The following MEIS1 variants were observed in gnomAD, a reference collection of about 807,000 sequenced individuals.
MEIS1 encodes the protein Meis homeobox 1.
In MEIS1, 5 loss-of-function variants were observed where a neutral mutation model predicts 50.8. That is an observed-to-expected ratio of 0.10 (90% CI 0.05 to 0.21). MEIS1 has a LOEUF of 0.21. MEIS1 is among the 10% of genes least tolerant of loss of function. The pLI, the probability that MEIS1 is intolerant of heterozygous loss-of-function variation, is 1.00. For synonymous variants in MEIS1, 176 were observed against 179.3 expected (o/e 0.98, Z 0.15); for missense variants, 318 against 517.3 (o/e 0.61, Z 3.74).
chr2:66,458,739 G>T (rs999422102), intron 6 of MEIS1, among the ~76,000 whole-genome samples: 5 of 152,138 alleles, frequency 3.3e-5, no homozygotes, highest in African/African-American at 1.2e-4. Context: ...CTACAACTGA[G>T]TATTAATCTA....
In MEIS1 at chr2:66,468,570, G is replaced by A. The variant is rs193264240; in HGVS notation, c.742+4350G>A. On this transcript the variant is annotated intron_variant, in intron 7 of 12. Transcript: ENST00000272369. ...GGAGACTTGTCCAAGGCCACACACC[G>A]GCTGGTGCTCAAGCCGGGACTTGAA... 2.4e-3 allele frequency among the ~76,000 whole-genome samples: 370 copies of A among 152,296 alleles called. 2 individuals are homozygous for A. The highest frequency in any genetic ancestry group is 8.0e-3 in the African/African-American group (334 of 41,564).
At chr2:66,539,348 C>A (rs1399488394) in intron 8 of MEIS1, among the ~76,000 whole-genome samples, 2 of 152,174 alleles carry the variant, frequency 1.3e-5, no homozygotes, top group African/African-American at 4.8e-5. Context: ...AAAAGGTACA[C>A]ACACATACGT....
intron 8 of MEIS1, among the ~76,000 whole-genome samples, chr2:66,526,441 T>C (rs1674253581): frequency 6.6e-6 from 1 of 152,204 alleles, no homozygotes; most frequent in Non-Finnish European, 1.5e-5. Context: ...GCCTACTTTA[T>C]TTCCAGTTTG....
chr2:66,473,076 A>G (rs1672799558), intron 7 of MEIS1, among the ~76,000 whole-genome samples: 2 of 152,064 alleles, frequency 1.3e-5, no homozygotes, highest in African/African-American at 4.8e-5. Flanking sequence ...TTTAAAGCCA[A>G]GTTGTAATAT....
chr2:66,514,897 A>G (rs1178315227), intron 8 of MEIS1, among the ~76,000 whole-genome samples: 1 of 152,168 alleles, frequency 6.6e-6, no homozygotes, highest in Non-Finnish European at 1.5e-5. Context: ...ATTTATAGTA[A>G]GGAGCTAATT....
chr2:66,496,787 T>C (rs1039390972), intron 7 of MEIS1, among the ~76,000 whole-genome samples: 3 of 152,330 alleles, frequency 2.0e-5, no homozygotes, highest in Admixed American at 6.5e-5. Flanking sequence ...CTTTATGTTT[T>C]GGAGGCACAC....
At chr2:66,481,508 C>T (rs562936817) in intron 7 of MEIS1, among the ~76,000 whole-genome samples, 11 of 152,304 alleles carry the variant, frequency 7.2e-5, no homozygotes, top group South Asian at 4.2e-4. Flanking sequence ...ACAGCAATGA[C>T]GCTGCCATTC....
chr2:66,531,557 G>T (rs1674390463), intron 8 of MEIS1, among the ~76,000 whole-genome samples: 1 of 152,194 alleles, frequency 6.6e-6, no homozygotes, highest in Non-Finnish European at 1.5e-5. Context: ...CCAACTCCCT[G>T]GTAGCTGGTG....
chr2:66,494,478 C>T (rs1364850591), intron 7 of MEIS1, among the ~76,000 whole-genome samples: 9 of 152,168 alleles, frequency 5.9e-5, no homozygotes, highest in Admixed American at 4.6e-4. Context: ...CTCCAACTGC[C>T]TGCTAGTACC....
At chr2:66,520,827 G>T (rs1674099161) in intron 8 of MEIS1, among the ~76,000 whole-genome samples, 1 of 152,194 alleles carries the variant, frequency 6.6e-6, no homozygotes, top group Non-Finnish European at 1.5e-5. Flanking sequence ...TTTTTCTCAA[G>T]ATCAAAAGCG....
chr2:66,507,591 C>T (rs946493287), intron 7 of MEIS1, among the ~76,000 whole-genome samples: 1 of 152,088 alleles, frequency 6.6e-6, no homozygotes, highest in Non-Finnish European at 1.5e-5. Flanking sequence ...ATCTTAGGAG[C>T]TGTTTTGGGT....
intron 8 of MEIS1, among the ~76,000 whole-genome samples, chr2:66,528,555 C>G (rs868678071): frequency 1.3e-4 from 20 of 152,160 alleles, no homozygotes; most frequent in African/African-American, 4.8e-4. Flanking sequence ...CCTCTCCTTC[C>G]CCCTTCACAG....
At chr2:66,474,557 A>G (rs570598308) in intron 7 of MEIS1, among the ~76,000 whole-genome samples, 1 of 152,262 alleles carries the variant, frequency 6.6e-6, no homozygotes, top group South Asian at 2.1e-4. Flanking sequence ...AATTTATGCC[A>G]AGCATTTTCC....
Position 66,435,881 on chromosome 2 carries a change from A to C in MEIS1, c.12+13A>C. 6.4e-7 allele frequency: 1 copy of C among 1,559,542 alleles called. No homozygotes were observed. Among genetic ancestry groups the C allele is most frequent in the Non-Finnish European group, 8.6e-7 (1 of 1,159,572 alleles). On this transcript the variant is annotated intron_variant, in intron 1 of 12. Transcript: ENST00000272369. ...GATGGCGCAAAGGGTACGTATTAAA[A>C]AACAATTGTGGAACTCAAATGTGAG...
intron 2 of MEIS1, 177 bp from the exon 3 acceptor site, chr2:66,439,665 AG>A (rs1414843937): frequency 1.9e-6 from 3 of 1,538,990 alleles, no homozygotes; most frequent in Non-Finnish European, 2.6e-6. Flanking sequence ...TCCAGGAGGA[AG>A]GGGAGGTGAG....
chr2:66,450,125 T>G (rs1331452747), intron 6 of MEIS1, among the ~76,000 whole-genome samples: 2 of 152,164 alleles, frequency 1.3e-5, no homozygotes, highest in African/African-American at 4.8e-5. Flanking sequence ...TTCCATGACA[T>G]ATGGACCAAT....
At position 66,555,280 on chromosome 2, in the gene MEIS1, C is replaced by CTCTCTCTCTTT. The variant is rs10695722; in HGVS notation, c.965+7261_965+7262insTCTCTCTCTTT. Among the ~76,000 whole-genome samples, 155 of 133,848 alleles carry CTCTCTCTCTTT rather than the reference C, an allele frequency of 1.2e-3. 1 individual carries two copies. Among genetic ancestry groups the CTCTCTCTCTTT allele is most frequent in the Non-Finnish European group, 2.0e-3 (130 of 65,590 alleles). The allele number at this position is 133,848 out of a possible 152,430, so 87.8% of individuals were successfully genotyped here. ...TCTCTCTCTCTCTCTCTCTCTCTCT[C>CTCTCTCTCTTT]GTCTCTCTCCACCCCCCAAACCCCC... On this transcript the variant is annotated intron_variant, in intron 9 of 12. Transcript: ENST00000272369.
chr2:66,525,728 TG>T (rs1674233891), intron 8 of MEIS1, among the ~76,000 whole-genome samples: 1 of 152,130 alleles, frequency 6.6e-6, no homozygotes, highest in South Asian at 2.1e-4. Context: ...TGTGTTCGGG[TG>T]GGTGGAGGGG....
At chr2:66,526,272 A>C (rs1674249245) in intron 8 of MEIS1, among the ~76,000 whole-genome samples, 1 of 152,140 alleles carries the variant, frequency 6.6e-6, no homozygotes, top group Non-Finnish European at 1.5e-5. Flanking sequence ...TAGTTTCTTG[A>C]AATTAGGTCA....
Sources: allele counts gnomAD v4.1 joint callset (sites outside exome capture counted in the v4.1 genomes callset), GRCh38; gene constraint gnomAD v4.1.1; transcripts MANE v1.5; gene names NCBI Gene and HGNC (gene_info 2026-07-23, HGNC 2026-07-21).